Variants in TGDS observed in about 807,000 individuals in gnomAD.
TGDS encodes the protein TDP-glucose 4,6-dehydratase.
TGDS carries 47 observed loss-of-function variants against 52.3 expected under a neutral mutation model. That is an observed-to-expected ratio of 0.90 (90% CI 0.71 to 1.15). TGDS has a LOEUF of 1.15. Among genes scored for constraint, TGDS ranks in the 50% most tolerant of loss-of-function variants. The probability of loss-of-function intolerance (pLI) is 0.00; values close to 1 mark genes in which losing one functional copy is unlikely to be tolerated. For missense variants in TGDS, 375 were observed against 418.4 expected (o/e 0.90, Z 0.90); for synonymous variants, 115 against 136.9 (o/e 0.84, Z 1.12).
At chr13:94,586,232 A>T (rs374420462) in intron 4 of TGDS, among the ~76,000 whole-genome samples, 5 of 152,216 alleles carry the variant, frequency 3.3e-5, no homozygotes, top group East Asian at 3.8e-4. Flanking sequence ...GAATGGGTTT[A>T]AAAAAATCAA....
At chr13:94,584,336 G>C (rs1032170741) in intron 4 of TGDS, among the ~76,000 whole-genome samples, 2 of 152,136 alleles carry the variant, frequency 1.3e-5, no homozygotes, top group Non-Finnish European at 1.5e-5. Context: ...GATCTACCTG[G>C]TGTCCTTAAA....
intron 6 of TGDS, 137 bp downstream of exon 6, chr13:94,580,954 C>A (rs761243362): frequency 1.1e-4 from 51 of 478,570 alleles, no homozygotes; most frequent in Non-Finnish European, 5.9e-5. Flanking sequence ...GCCTGAGTGT[C>A]AGATTGCGAC....
At chr13:94,580,009 T>G in intron 6 of TGDS, 56 bp from the exon 7 acceptor site, 1 of 1,194,634 alleles carries the variant, frequency 8.4e-7, no homozygotes, top group Non-Finnish European at 1.2e-6. Flanking sequence ...TAATGATTAT[T>G]TTAAAGATAA....
At chr13:94,581,512 C>T (rs1351602787) in intron 5 of TGDS, among the ~76,000 whole-genome samples, 5 of 152,092 alleles carry the variant, frequency 3.3e-5, no homozygotes, top group African/African-American at 9.7e-5. Flanking sequence ...TGAAGGCCAC[C>T]GTAAAACAAT....
intron 11 of TGDS, 68 bp from the exon 12 acceptor site, chr13:94,574,920 A>G (rs1359366202): frequency 1.1e-6 from 1 of 948,264 alleles, no homozygotes; most frequent in Non-Finnish European, 1.6e-6. Flanking sequence ...CAGTTAACCA[A>G]CCTTTACTGA....
At chr13:94,575,480 G>A (rs1315932191) in intron 11 of TGDS, among the ~76,000 whole-genome samples, 1 of 151,704 alleles carries the variant, frequency 6.6e-6, no homozygotes, top group Non-Finnish European at 1.5e-5. Flanking sequence ...TGTAGAGACA[G>A]GGTCTCGCTA....
chr13:94,575,286 T>A (rs1244449872), intron 11 of TGDS, among the ~76,000 whole-genome samples: 1 of 65,696 alleles, frequency 1.5e-5, no homozygotes, highest in South Asian at 3.4e-4. Flanking sequence ...ACTTCCTTGC[T>A]TTTTTTTTTT....
In TGDS at chr13:94,581,255, T is replaced by C. The variant is rs1316306674; in HGVS notation, c.457-66A>G. On this transcript the variant is annotated intron_variant, in intron 5 of 11. Transcript: ENST00000261296. Reference sequence around the variant, plus strand: ...TTTTAAGTATAGAAATCAGAGCATATGTTAACACTTCAAATGTCAATCACC... The same window carrying C: ...TTTTAAGTATAGAAATCAGAGCATACGTTAACACTTCAAATGTCAATCACC... The C allele has an allele frequency of 2.9e-6, 3 of 1,043,926 alleles. No homozygotes were observed. The East Asian group carries it at 8.1e-5, about 28-fold the overall frequency. 64.7% of individuals were successfully genotyped at this position (1,043,926 alleles called of 1,614,324 possible). A position where few individuals can be genotyped will look rare whatever the true frequency, so the allele number is the denominator to read the frequency against.
chr13:94,576,141 C>T (rs886864433), intron 11 of TGDS, among the ~76,000 whole-genome samples, 173 bp downstream of exon 11: 1 of 152,054 alleles, frequency 6.6e-6, no homozygotes, highest in African/African-American at 2.4e-5. Context: ...TTATAAAATT[C>T]AAGATGCTTA....
chr13:94,577,596 A>C (rs953868892), intron 9 of TGDS, among the ~76,000 whole-genome samples, 167 bp from the exon 10 acceptor site: 2 of 152,226 alleles, frequency 1.3e-5, no homozygotes, highest in East Asian at 3.8e-4. Context: ...CCTAAATTCC[A>C]TCTGAAGCTC....
chr13:94,592,008 C>T (rs770695938), intron 3 of TGDS, among the ~76,000 whole-genome samples: 15 of 152,172 alleles, frequency 9.9e-5, no homozygotes, highest in Non-Finnish European at 1.8e-4. Context: ...CAGTCAGCTA[C>T]TGGTAGATCT....
At chr13:94,579,737 T>C (rs1477362172) in intron 7 of TGDS, 157 bp downstream of exon 7, 1 of 485,288 alleles carries the variant, frequency 2.1e-6, no homozygotes, top group Non-Finnish European at 3.6e-6. Flanking sequence ...TTTCAAACTC[T>C]AAGTCTGAAG....
At chr13:94,590,722 T>G in intron 4 of TGDS, 131 bp downstream of exon 4, 1 of 652,398 alleles carries the variant, frequency 1.5e-6, no homozygotes, top group Non-Finnish European at 2.5e-6. Flanking sequence ...GCTGAGTTTA[T>G]GGATAACACA....
At chr13:94,575,269 G>A (rs1178364759) in intron 11 of TGDS, among the ~76,000 whole-genome samples, 1 of 146,892 alleles carries the variant, frequency 6.8e-6, no homozygotes, top group African/African-American at 2.5e-5. Context: ...ACAATGAGTT[G>A]ATGTGAACTT....
intron 4 of TGDS, among the ~76,000 whole-genome samples, chr13:94,588,280 G>C (rs1484564825): frequency 1.3e-5 from 2 of 151,224 alleles, no homozygotes; most frequent in South Asian, 4.2e-4. Flanking sequence ...AAAATTAGCT[G>C]GGCGTGGTGG....
chr13:94,596,035 C>A lies in TGDS; in HGVS notation c.86+16G>T, dbSNP rs113925157. ...TTCTGGGGAGCCACTGCTTGGCTAGCGGCGCCATTACCTACATGAAACCAG... is the reference window on the plus strand; with the variant it reads ...TTCTGGGGAGCCACTGCTTGGCTAGAGGCGCCATTACCTACATGAAACCAG... On this transcript the variant is annotated intron_variant, in intron 1 of 11. Transcript: ENST00000261296. 6 of 1,613,710 alleles carry A rather than the reference C, an allele frequency of 3.7e-6. No individual in the cohort carries two copies. Among genetic ancestry groups the A allele is most frequent in the Non-Finnish European group, 4.2e-6 (5 of 1,179,866 alleles).
intron 7 of TGDS, chr13:94,579,229 T>C (rs1441288311): frequency 6.5e-6 from 1 of 152,870 alleles, no homozygotes; most frequent in South Asian, 2.1e-4. Flanking sequence ...GACATGGCCC[T>C]TTCCTTTGGG....
At chr13:94,595,104 T>C (rs1889330215) in intron 1 of TGDS, among the ~76,000 whole-genome samples, 1 of 152,042 alleles carries the variant, frequency 6.6e-6, no homozygotes, top group African/African-American at 2.4e-5. Flanking sequence ...GATATGGTGG[T>C]CAGGTAAGAA....
chr13:94,577,087 C>T (rs1205897345), intron 10 of TGDS, among the ~76,000 whole-genome samples: 6 of 148,324 alleles, frequency 4.0e-5, no homozygotes, highest in African/African-American at 1.3e-4. Context: ...GGCAACAGAG[C>T]GAGATTCTGT....
Sources: gnomAD v4.1 joint callset for allele counts (sites outside exome capture counted in the v4.1 genomes callset) on GRCh38, gnomAD v4.1.1 for gene constraint, MANE v1.5 for transcripts, NCBI Gene and HGNC (gene_info 2026-07-23, HGNC 2026-07-21) for gene names.